The following PTPRD variants were observed in gnomAD, a reference collection of about 807,000 sequenced individuals.
PTPRD encodes protein tyrosine phosphatase receptor type D.
In PTPRD, 34 loss-of-function variants were observed where a neutral mutation model predicts 214.5. The observed-to-expected ratio is 0.16, with a 90% CI of 0.12 to 0.21. PTPRD has a LOEUF of 0.21. Ranked by LOEUF, PTPRD falls within the 10% of genes least tolerant of loss-of-function variation. The probability of loss-of-function intolerance (pLI) is 1.00; values close to 1 mark genes in which losing one functional copy is unlikely to be tolerated. For missense variants in PTPRD, 2,545 were observed against 2,398.7 expected, an observed-to-expected ratio of 1.06 and a Z score of -1.27; for synonymous variants, 1,128 against 845.7, an observed-to-expected ratio of 1.33 and a Z score of -5.79.
In PTPRD at chr9:8,710,284, T is replaced by A. The variant is rs2098303260; in HGVS notation, c.64+23496A>T. Among the ~76,000 whole-genome samples, 3 of 152,144 alleles carry A rather than the reference T, an allele frequency of 2.0e-5. 1 individual carries two copies. In the South Asian group the frequency reaches 6.2e-4, roughly 32 times the overall value. On this transcript the variant is annotated intron_variant, in intron 12 of 45. Transcript: ENST00000381196. ...AGGGTCAAGTACATTCAGCTCATGT[T>A]CATTAGCTAATAACATTCAAAAGGT... is the stretch of plus-strand genomic sequence containing the variant.
intron 3 of PTPRD, among the ~76,000 whole-genome samples, chr9:10,094,518 T>TG (rs1237267459): frequency 2.2e-5 from 3 of 136,010 alleles, no homozygotes; most frequent in Admixed American, 7.7e-5. Context: ...AACAACAGTA[T>TG]GGTTTTTTTT....
chr9:10,087,359 A>G (rs2098360458), intron 3 of PTPRD, among the ~76,000 whole-genome samples: 1 of 151,718 alleles, frequency 6.6e-6, no homozygotes, highest in Admixed American at 6.6e-5. Flanking sequence ...GAATTTACAT[A>G]AAAGTAATAC....
chr9:9,761,487 G>C (rs78487501), intron 6 of PTPRD, among the ~76,000 whole-genome samples: 1,603 of 152,170 alleles, frequency 0.011, 37 homozygotes, highest in African/African-American at 0.035. Context: ...TGTGGGGTAG[G>C]ATACTTAAAC....
chr9:9,557,053 A>G (rs887513477), intron 8 of PTPRD, among the ~76,000 whole-genome samples: 1 of 152,166 alleles, frequency 6.6e-6, no homozygotes, highest in Non-Finnish European at 1.5e-5. Flanking sequence ...TGAGTGTGAG[A>G]GATAACGTCC....
At chr9:8,510,657 G>A (rs916250153) in intron 21 of PTPRD, among the ~76,000 whole-genome samples, 7 of 152,132 alleles carry the variant, frequency 4.6e-5, no homozygotes, top group African/African-American at 1.7e-4. Flanking sequence ...AAACTTTCAT[G>A]ATCTCAGGCT....
At chr9:8,602,245 C>A (rs1331043521) in intron 14 of PTPRD, among the ~76,000 whole-genome samples, 1 of 152,182 alleles carries the variant, frequency 6.6e-6, no homozygotes, top group East Asian at 1.9e-4. Context: ...CATGTTTTCA[C>A]AATTAAGGTG....
At chr9:9,883,261 G>T (rs1331729232) in intron 5 of PTPRD, among the ~76,000 whole-genome samples, 1 of 152,054 alleles carries the variant, frequency 6.6e-6, no homozygotes, top group African/African-American at 2.4e-5. Context: ...TCTTGTTGCT[G>T]CAAACATCTC....
intron 11 of PTPRD, among the ~76,000 whole-genome samples, chr9:9,003,095 C>T (rs979698077): frequency 5.3e-5 from 8 of 151,994 alleles, no homozygotes; most frequent in South Asian, 4.2e-4. Context: ...TTTCAGAATA[C>T]GTTAGGTAAC....
chr9:9,192,328 C>A (rs539630066), intron 9 of PTPRD, among the ~76,000 whole-genome samples: 1 of 152,168 alleles, frequency 6.6e-6, no homozygotes, highest in South Asian at 2.1e-4. Context: ...CTTCCACTAG[C>A]TATCTTGTGA....
chr9:9,961,368 G>T (rs902191147), intron 4 of PTPRD, among the ~76,000 whole-genome samples: 1 of 152,116 alleles, frequency 6.6e-6, no homozygotes, highest in African/African-American at 2.4e-5. Context: ...TGAAACAGTG[G>T]TTTTTAATAA....
intron 7 of PTPRD, among the ~76,000 whole-genome samples, chr9:9,733,616 T>C (rs1030246058): frequency 6.6e-6 from 1 of 152,140 alleles, no homozygotes; most frequent in Non-Finnish European, 1.5e-5. Flanking sequence ...CCCACTCCCA[T>C]CCAGCAATAC....
At chr9:8,949,079 C>T (rs778968941) in intron 11 of PTPRD, among the ~76,000 whole-genome samples, 2 of 151,756 alleles carry the variant, frequency 1.3e-5, no homozygotes, top group African/African-American at 4.8e-5. Flanking sequence ...CAAAAATTAG[C>T]TGGGTGTAGT....
chr9:10,522,371 C>G (rs1566716246), intron 2 of PTPRD, among the ~76,000 whole-genome samples: 1 of 152,136 alleles, frequency 6.6e-6, no homozygotes, highest in Non-Finnish European at 1.5e-5. Flanking sequence ...TATGATAATT[C>G]AGAATTTGCA....
intron 5 of PTPRD, among the ~76,000 whole-genome samples, chr9:9,853,732 A>T (rs901172120): frequency 3.9e-5 from 6 of 152,164 alleles, no homozygotes; most frequent in Admixed American, 3.3e-4. Context: ...TATTTTTAGT[A>T]GAGACGGGGT....
At chr9:9,622,423 A>G (rs1285189421) in intron 7 of PTPRD, among the ~76,000 whole-genome samples, 1 of 152,196 alleles carries the variant, frequency 6.6e-6, no homozygotes, top group Non-Finnish European at 1.5e-5. Context: ...CAGGAGATGA[A>G]AGTTTCTTTT....
At chr9:10,270,831 G>T (rs1177777265) in intron 3 of PTPRD, among the ~76,000 whole-genome samples, 1 of 151,354 alleles carries the variant, frequency 6.6e-6, no homozygotes, top group Non-Finnish European at 1.5e-5. Flanking sequence ...TAAATTCTTT[G>T]TCATAATATT....
intron 5 of PTPRD, among the ~76,000 whole-genome samples, chr9:9,886,426 T>C (rs114032124): frequency 1.1e-3 from 171 of 152,206 alleles, no homozygotes; most frequent in African/African-American, 3.9e-3. Flanking sequence ...CCCGAAACTA[T>C]TGCCATAAAA....
chr9:9,290,639 A>C (rs1212737558), intron 9 of PTPRD, among the ~76,000 whole-genome samples: 1 of 151,540 alleles, frequency 6.6e-6, no homozygotes, highest in African/African-American at 2.4e-5. Context: ...TTAACGTTAG[A>C]AAGCCAAACT....
chr9:10,409,038 G>T (rs1349095488), intron 2 of PTPRD, among the ~76,000 whole-genome samples: 1 of 151,582 alleles, frequency 6.6e-6, no homozygotes, highest in Non-Finnish European at 1.5e-5. Flanking sequence ...TTCCAAATCT[G>T]GCCTACAGCC....
Sources: gnomAD v4.1 joint callset for allele counts (sites outside exome capture counted in the v4.1 genomes callset) on GRCh38, gnomAD v4.1.1 for gene constraint, MANE v1.5 for transcripts, NCBI Gene and HGNC (gene_info 2026-07-23, HGNC 2026-07-21) for gene names.